The following FAM83B variants were observed in gnomAD, a reference collection of about 807,000 sequenced individuals.
FAM83B encodes protein FAM83B.
A neutral mutation model predicts 38.8 loss-of-function variants in FAM83B; 26 were observed. The ratio of observed to expected loss-of-function variants is 0.67; its 90% CI spans 0.49 to 0.93. The LOEUF (loss-of-function observed/expected upper bound fraction) is 0.93. Among genes scored for constraint, FAM83B ranks in the 40% least tolerant of loss-of-function variants. FAM83B has a pLI of 0.00. For synonymous variants in FAM83B, 419 were observed against 423.1 expected (o/e 0.99, Z 0.12); for missense variants, 1,237 against 1,197.3 (o/e 1.03, Z -0.49).
intron 2 of FAM83B, among the ~76,000 whole-genome samples, chr6:54,883,380 G>C (rs1456911825): frequency 1.4e-5 from 2 of 142,322 alleles, no homozygotes; most frequent in African/African-American, 5.3e-5. Flanking sequence ...TGTTGCCCAG[G>C]CTGGAGTGCA....
chr6:54,849,774 A>C (rs1771229102), intron 1 of FAM83B, among the ~76,000 whole-genome samples: 1 of 127,856 alleles, frequency 7.8e-6, no homozygotes, highest in African/African-American at 3.1e-5. Flanking sequence ...AGGGCACATG[A>C]CATTTATCTT....
At chr6:54,903,288 A>G (rs1013786203) in intron 2 of FAM83B, among the ~76,000 whole-genome samples, 5 of 152,226 alleles carry the variant, frequency 3.3e-5, no homozygotes, top group Admixed American at 3.3e-4. Flanking sequence ...TGTATATTTG[A>G]ATCATGCTTT....
At position 54,942,413 on chromosome 6, in the gene FAM83B, C is replaced by CA. The variant is rs1355744800; in HGVS notation, c.*411dup. Among the ~76,000 whole-genome samples the CA allele has an allele frequency of 1.3e-5, 2 of 151,984 alleles. No homozygotes were observed. Among genetic ancestry groups the CA allele is most frequent in the Admixed American group, 6.6e-5 (1 of 15,240 alleles). On this transcript the variant is annotated 3_prime_UTR_variant, in exon 5 of 5. Transcript: ENST00000306858. ...TGTGTTTATAGTGTTTTCATATCTT[C>CA]AAAAATATAAGCAAATGGGACAAAG...
chr6:54,870,473 C>A lies in FAM83B; in HGVS notation c.227C>A (p.Ala76Glu), dbSNP rs1216749801. ...GTCCAGAAAGTTGCACAAAGCACAG[C>A]ACATGGTACTGATGATTCCTGTGAT... Reference protein sequence around the residue: ...KNVQKVAQSTAHGTDDSCDDT... With the variant: ...KNVQKVAQSTEHGTDDSCDDT... The change falls in exon 2 of 5, where the codon GCA becomes GAA. Residue 76 changes from alanine to glutamate, a missense_variant. Physicochemically the swap from Ala to Glu is moderately radical, Grantham distance 107 (BLOSUM62 -1). Transcript: ENST00000306858. The A allele has an allele frequency of 6.2e-7, 1 of 1,613,818 alleles. No homozygotes were observed.
chr6:54,888,846 G>C (rs985584395), intron 2 of FAM83B, among the ~76,000 whole-genome samples: 4 of 151,624 alleles, frequency 2.6e-5, no homozygotes, highest in Non-Finnish European at 5.9e-5. Context: ...TCTACCTTCT[G>C]TTTCTCTTCT....
intron 2 of FAM83B, among the ~76,000 whole-genome samples, chr6:54,907,432 C>T (rs990747896): frequency 1.3e-5 from 2 of 151,896 alleles, no homozygotes; most frequent in African/African-American, 4.8e-5. Context: ...TTTTGAGTAA[C>T]ATTAGTAACC....
intron 2 of FAM83B, among the ~76,000 whole-genome samples, chr6:54,909,886 G>T (rs1772866440): frequency 1.3e-5 from 2 of 152,258 alleles, no homozygotes; most frequent in East Asian, 1.9e-4. Context: ...AGAAAAGACG[G>T]GGATTTTGGA....
chr6:54,894,880 G>A (rs1229249752), intron 2 of FAM83B, among the ~76,000 whole-genome samples: 2 of 152,240 alleles, frequency 1.3e-5, no homozygotes, highest in Non-Finnish European at 2.9e-5. Context: ...AGACTGCCTG[G>A]CTTTGAATCT....
rs188472870 is a variant in FAM83B at position 54,923,069 on chromosome 6, G to A, written c.445-3302G>A. ...AAAAGTAGGAAGAATAGTATATGGA[G>A]CCCTTATGTACAACCAACTAGCTTC... On this transcript the variant is annotated intron_variant, in intron 2 of 4. Coordinates refer to ENST00000306858, the MANE Select transcript of FAM83B (RefSeq NM_001010872.3). Among the ~76,000 whole-genome samples, 485 of 152,050 alleles carry A rather than the reference G, an allele frequency of 3.2e-3. 1 individual carries two copies. Among genetic ancestry groups the A allele is most frequent in the African/African-American group, 0.011 (462 of 41,496 alleles).
At chr6:54,870,048 T>G in intron 1 of FAM83B, 139 bp from the exon 2 acceptor site, 1 of 535,062 alleles carries the variant, frequency 1.9e-6, no homozygotes, top group Non-Finnish European at 3.3e-6. Flanking sequence ...TTAATGTCAT[T>G]TTGGATATGA....
intron 2 of FAM83B, among the ~76,000 whole-genome samples, chr6:54,906,755 T>G (rs2127583322): frequency 6.6e-6 from 1 of 152,274 alleles, no homozygotes. Context: ...CAAGACAAGT[T>G]ATTTACCATT....
intron 4 of FAM83B, among the ~76,000 whole-genome samples, chr6:54,935,261 A>G (rs538016846): frequency 1.1e-3 from 161 of 152,268 alleles, no homozygotes; most frequent in African/African-American, 3.8e-3. Context: ...GGTACACAAG[A>G]TTGCTGAGCT....
In FAM83B at chr6:54,943,104, T is replaced by C. The variant is rs759054202; in HGVS notation, c.*1097T>C. On this transcript the variant is annotated 3_prime_UTR_variant, in exon 5 of 5. Coordinates refer to ENST00000306858, the MANE Select transcript of FAM83B (RefSeq NM_001010872.3). ...TTTCAGAAGAGATGGGATTTCACCA[T>C]GTTGGCCAGTCTAGTCTCAAACTCC... 2.6e-5 allele frequency: 4 copies of C among 152,194 alleles called. No homozygotes were observed. The highest frequency in any genetic ancestry group is 5.9e-5 in the Non-Finnish European group (4 of 68,086). 9.4% of individuals were successfully genotyped at this position (152,194 alleles called of 1,614,324 possible).
Position 54,870,566 on chromosome 6 carries a change from G to T in FAM83B, c.320G>T (p.Gly107Val), listed in dbSNP as rs751339090. 5.6e-6 allele frequency: 9 copies of T among 1,613,858 alleles called. No homozygotes were observed. In the South Asian group the frequency reaches 6.6e-5, roughly 12 times the overall value. The change falls in exon 2 of 5, where the codon GGC becomes GTC. Residue 107 changes from glycine (G) to valine (V), a missense_variant. Gly to Val is a moderately radical substitution (Grantham distance 109, BLOSUM62 -3). Coordinates refer to ENST00000306858, the MANE Select transcript of FAM83B (RefSeq NM_001010872.3). ...GTGGAAGCTCCAAATCTTGACTTAG[G>T]CTGGCCATATGTGATGCCCGGACTC... ...SDVEAPNLDL[G>V]WPYVMPGLLG...
chr6:54,883,111 TG>T (rs1235580120), intron 2 of FAM83B, among the ~76,000 whole-genome samples: 1 of 151,016 alleles, frequency 6.6e-6, no homozygotes, highest in Non-Finnish European at 1.5e-5. Flanking sequence ...CTAATTTTTT[TG>T]TTTTTGTATT....
rs541359397 is a variant in FAM83B at position 54,865,531 on chromosome 6, C to T, written c.-60-4656C>T. ...TATCCTGTTGGAGGATGTAGTGCAA[C>T]TCATAAAGCATTCAATACTTGGAGA... On this transcript the variant is annotated intron_variant, in intron 1 of 4. Coordinates refer to ENST00000306858, the MANE Select transcript of FAM83B (RefSeq NM_001010872.3). 6.6e-5 allele frequency among the ~76,000 whole-genome samples: 10 copies of T among 152,234 alleles called. No homozygotes were observed. The South Asian group carries it at 2.1e-3, about 32-fold the overall frequency.
At chr6:54,915,035 C>T (rs1034600305) in intron 2 of FAM83B, among the ~76,000 whole-genome samples, 41 of 152,008 alleles carry the variant, frequency 2.7e-4, no homozygotes, top group Admixed American at 2.6e-3. Context: ...CTTCTATCAT[C>T]AAGCAAATCA....
chr6:54,919,029 G>T (rs139978165), intron 2 of FAM83B, among the ~76,000 whole-genome samples: 1 of 152,074 alleles, frequency 6.6e-6, no homozygotes, highest in Admixed American at 6.6e-5. Context: ...GGCTTTGAGG[G>T]CCCATGCGTG....
chr6:54,874,416 A>G (rs896634788), intron 2 of FAM83B, among the ~76,000 whole-genome samples: 1 of 151,934 alleles, frequency 6.6e-6, no homozygotes, highest in Non-Finnish European at 1.5e-5. Flanking sequence ...TCTATTTTTC[A>G]CTTTGTGATT....
Sources: allele counts gnomAD v4.1 joint callset (sites outside exome capture counted in the v4.1 genomes callset), GRCh38; gene constraint gnomAD v4.1.1; transcripts MANE v1.5; gene names NCBI Gene and HGNC (gene_info 2026-07-23, HGNC 2026-07-21).